The following SORCS2 variants were observed in gnomAD, a reference collection of about 807,000 sequenced individuals.
SORCS2 encodes sortilin related VPS10 domain containing receptor 2.
In SORCS2, 100 loss-of-function variants were observed where a neutral mutation model predicts 141.6. The observed-to-expected ratio is 0.71, with a 90% CI of 0.60 to 0.83. SORCS2 has a LOEUF of 0.83. SORCS2 is among the 40% of genes least tolerant of loss of function. The probability of loss-of-function intolerance (pLI) is 0.00; values close to 1 mark genes in which losing one functional copy is unlikely to be tolerated. For missense variants in SORCS2, 1,646 were observed against 1,560.2 expected (o/e 1.05, Z -0.93); for synonymous variants, 789 against 676.9 (o/e 1.17, Z -2.57).
intron 3 of SORCS2, among the ~76,000 whole-genome samples, chr4:7,594,480 C>T (rs1469436539): frequency 2.6e-5 from 4 of 152,230 alleles, no homozygotes; most frequent in African/African-American, 4.8e-5. Context: ...GGCCTGCTCC[C>T]CTCCTTGGCA....
At chr4:7,713,441 T>C (rs1212223064) in intron 15 of SORCS2, among the ~76,000 whole-genome samples, 2 of 152,032 alleles carry the variant, frequency 1.3e-5, no homozygotes, top group Non-Finnish European at 2.9e-5. Flanking sequence ...TTAATGGTAC[T>C]TGTTAAAGCG....
chr4:7,651,745 AC>A (rs1721461437), intron 4 of SORCS2, among the ~76,000 whole-genome samples: 1 of 152,154 alleles, frequency 6.6e-6, no homozygotes, highest in South Asian at 2.1e-4. Context: ...CCTCCTCCCA[AC>A]CCAGAACAGA....
intron 2 of SORCS2, among the ~76,000 whole-genome samples, chr4:7,439,193 T>C (rs1727495812): frequency 6.6e-6 from 1 of 152,084 alleles, no homozygotes; most frequent in Non-Finnish European, 1.5e-5. Flanking sequence ...TGTATATATA[T>C]ATATACAAAC....
chr4:7,499,063 G>A (rs1303252309), intron 2 of SORCS2, among the ~76,000 whole-genome samples: 1 of 143,482 alleles, frequency 7.0e-6, no homozygotes, highest in African/African-American at 2.4e-5. Flanking sequence ...GCACAATCAC[G>A]TGTGCATATG....
At chr4:7,451,878 C>G (rs777145755) in intron 2 of SORCS2, among the ~76,000 whole-genome samples, 1 of 152,168 alleles carries the variant, frequency 6.6e-6, no homozygotes, top group Non-Finnish European at 1.5e-5. Flanking sequence ...TCTGAACATT[C>G]CCTGACACCT....
chr4:7,450,035 T>G (rs1320668418), intron 2 of SORCS2, among the ~76,000 whole-genome samples: 1 of 152,236 alleles, frequency 6.6e-6, no homozygotes, highest in East Asian at 1.9e-4. Context: ...CGTTTTCCTG[T>G]GTCTTGTCAG....
chr4:7,584,000 A>G (rs1254337381), intron 3 of SORCS2, among the ~76,000 whole-genome samples: 1 of 152,236 alleles, frequency 6.6e-6, no homozygotes, highest in African/African-American at 2.4e-5. Context: ...AGGATGAATA[A>G]GACCTGCTCC....
chr4:7,683,284 C>T (rs368009334), intron 10 of SORCS2, among the ~76,000 whole-genome samples: 1 of 132,714 alleles, frequency 7.5e-6, no homozygotes, highest in African/African-American at 3.3e-5. Flanking sequence ...AGCTGAGCGG[C>T]TCTGCTGACC....
At chr4:7,505,307 G>A (rs1008302218) in intron 2 of SORCS2, among the ~76,000 whole-genome samples, 4 of 152,194 alleles carry the variant, frequency 2.6e-5, no homozygotes, top group African/African-American at 7.2e-5. Context: ...ATAGGTGGCC[G>A]GCGGGGAGCC....
At chr4:7,629,154 T>C (rs1276930281) in intron 3 of SORCS2, among the ~76,000 whole-genome samples, 1 of 152,194 alleles carries the variant, frequency 6.6e-6, no homozygotes, top group Non-Finnish European at 1.5e-5. Context: ...ATTTAATCAT[T>C]GCATGTTGTG....
Position 7,331,798 on chromosome 4 carries a change from C to G in SORCS2, c.481-64490C>G, listed in dbSNP as rs142509474. Among the ~76,000 whole-genome samples, 329 of 152,336 alleles carry G rather than the reference C, an allele frequency of 2.2e-3. 3 individuals are homozygous for G. In the East Asian group the frequency reaches 0.032, roughly 15 times the overall value. On this transcript the variant is annotated intron_variant, in intron 1 of 26. Coordinates refer to ENST00000507866, the MANE Select transcript of SORCS2 (RefSeq NM_020777.3). ...GGGGTCAGTGGCTTCAGTCCTTTAC[C>G]TCCTGTGAGCCCTGGACCCCTGCTG...
chr4:7,707,533 C>T (rs1310378615), intron 14 of SORCS2, among the ~76,000 whole-genome samples: 2 of 152,206 alleles, frequency 1.3e-5, no homozygotes, highest in African/African-American at 2.4e-5. Context: ...CTGCCGCCTT[C>T]AATTCAGTCC....
At chr4:7,245,471 G>A (rs998144156) in intron 1 of SORCS2, among the ~76,000 whole-genome samples, 1 of 152,238 alleles carries the variant, frequency 6.6e-6, no homozygotes, top group Non-Finnish European at 1.5e-5. Flanking sequence ...AATAACTTGG[G>A]CTTTAGAGTC....
rs1015356244 is a variant in SORCS2, at chr4:7,717,962, T to C, written c.2253-50T>C. 4.0e-6 allele frequency: 6 copies of C among 1,516,338 alleles called. No individual in the cohort carries two copies. In the African/African-American group the frequency reaches 7.0e-5, roughly 18 times the overall value. 93.9% of individuals were successfully genotyped at this position (1,516,338 alleles called of 1,614,324 possible). A position where few individuals can be genotyped will look rare whatever the true frequency, so the allele number is the denominator to read the frequency against. ...TCCCTCCCCAGACTATGGGGCCCCA[T>C]CCCTTGCCACCTGTCTGAAGCGGAC... On this transcript the variant is annotated intron_variant, in intron 17 of 26. Transcript: ENST00000507866.
intron 1 of SORCS2, among the ~76,000 whole-genome samples, chr4:7,357,483 G>C (rs542213305): frequency 3.5e-4 from 54 of 152,312 alleles, no homozygotes; most frequent in African/African-American, 1.1e-3. Flanking sequence ...GGAGATGGAG[G>C]CGTCTGCTAA....
intron 20 of SORCS2, among the ~76,000 whole-genome samples, chr4:7,725,972 G>A (rs1327661639): frequency 6.6e-6 from 1 of 152,218 alleles, no homozygotes; most frequent in Non-Finnish European, 1.5e-5. Flanking sequence ...TTCAGGCCTC[G>A]GCTCCGCCAC....
At chr4:7,409,933 A>G (rs1279633801) in intron 2 of SORCS2, among the ~76,000 whole-genome samples, 1 of 152,254 alleles carries the variant, frequency 6.6e-6, no homozygotes, top group African/African-American at 2.4e-5. Flanking sequence ...CTGTCTTTTA[A>G]TGTATAGAAT....
At chr4:7,335,069 A>G (rs1719901475) in intron 1 of SORCS2, among the ~76,000 whole-genome samples, 1 of 152,118 alleles carries the variant, frequency 6.6e-6, no homozygotes. Flanking sequence ...AGAGTTTTAC[A>G]CAGAGGGCAT....
In SORCS2 at chr4:7,677,193, G is replaced by A. The variant is rs557876185; in HGVS notation, c.1341+964G>A. 8.5e-5 allele frequency among the ~76,000 whole-genome samples: 13 copies of A among 152,054 alleles called. No individual in the cohort carries two copies. The East Asian group carries it at 2.1e-3, about 25-fold the overall frequency. ...CTGAGCTCAGATGGGAGCCTTCCTC[G>A]CTGCCCTCCTGGGTCCCCCTCGGCC... is the stretch of plus-strand genomic sequence containing the variant. On this transcript the variant is annotated intron_variant, in intron 9 of 26. Transcript: ENST00000507866.
Sources: allele counts gnomAD v4.1 joint callset (sites outside exome capture counted in the v4.1 genomes callset), GRCh38; gene constraint gnomAD v4.1.1; transcripts MANE v1.5; gene names NCBI Gene and HGNC (gene_info 2026-07-23, HGNC 2026-07-21).